EDIL3: variants seen among roughly 807,000 people sequenced by gnomAD.
EDIL3 encodes EGF like and discoidin domains 3.
Under a neutral mutation model 67.4 loss-of-function variants are expected in EDIL3, and 37 were observed. The ratio of observed to expected loss-of-function variants is 0.55; its 90% CI spans 0.42 to 0.72. The LOEUF (loss-of-function observed/expected upper bound fraction) is 0.72. Ranked by LOEUF, EDIL3 falls within the 30% of genes least tolerant of loss-of-function variation. EDIL3 has a pLI of 0.00. For synonymous variants in EDIL3, 195 were observed against 196.3 expected, an observed-to-expected ratio of 0.99 and a Z score of 0.05; for missense variants, 527 against 586.3, an observed-to-expected ratio of 0.90 and a Z score of 1.04.
At chr5:84,382,627 C>T (rs1748107074) in intron 1 of EDIL3, among the ~76,000 whole-genome samples, 1 of 152,072 alleles carries the variant, frequency 6.6e-6, no homozygotes, top group Admixed American at 6.6e-5. Context: ...CCCTTCCCTT[C>T]CTGCTAAGAG....
intron 9 of EDIL3, among the ~76,000 whole-genome samples, chr5:84,025,478 G>A (rs1343148806): frequency 1.1e-4 from 17 of 152,046 alleles, no homozygotes; most frequent in Admixed American, 1.1e-3. Context: ...ATATTATGGT[G>A]AGTTGTATAA....
intron 3 of EDIL3, among the ~76,000 whole-genome samples, chr5:84,206,296 G>A (rs1386726339): frequency 2.6e-5 from 4 of 151,976 alleles, no homozygotes; most frequent in African/African-American, 9.7e-5. Context: ...TATAATTTCT[G>A]TTCTTTTACA....
intron 2 of EDIL3, among the ~76,000 whole-genome samples, chr5:84,239,580 A>G (rs998410144): frequency 6.6e-6 from 1 of 152,160 alleles, no homozygotes; most frequent in African/African-American, 2.4e-5. Flanking sequence ...CTTCAGCTAC[A>G]TCTTATGGAC....
chr5:84,343,575 G>T (rs1470179444), intron 1 of EDIL3, among the ~76,000 whole-genome samples: 1 of 151,998 alleles, frequency 6.6e-6, no homozygotes, highest in Non-Finnish European at 1.5e-5. Context: ...ATTAATGAGT[G>T]ATATAATATC....
chr5:84,334,026 T>C (rs1030044340), intron 1 of EDIL3, among the ~76,000 whole-genome samples: 6 of 151,624 alleles, frequency 4.0e-5, no homozygotes, highest in Admixed American at 1.3e-4. Context: ...TCTTTGTATG[T>C]AAGAACGATG....
At chr5:84,170,373 C>T (rs558865259) in intron 4 of EDIL3, among the ~76,000 whole-genome samples, 5 of 152,318 alleles carry the variant, frequency 3.3e-5, no homozygotes, top group South Asian at 2.1e-4. Flanking sequence ...GCCATTAAAA[C>T]GGCTAGGCTT....
chr5:84,007,938 C>A (rs1363245955), intron 9 of EDIL3, among the ~76,000 whole-genome samples: 3 of 152,108 alleles, frequency 2.0e-5, no homozygotes, highest in African/African-American at 7.2e-5. Context: ...CAATGGAGTA[C>A]CATTCAGCCA....
At chr5:83,982,984 C>A (rs1269848021) in intron 9 of EDIL3, among the ~76,000 whole-genome samples, 1 of 152,172 alleles carries the variant, frequency 6.6e-6, no homozygotes, top group Non-Finnish European at 1.5e-5. Context: ...TGAGTGGCTG[C>A]AACAGCAGCC....
intron 9 of EDIL3, among the ~76,000 whole-genome samples, chr5:84,046,288 C>T (rs2258807): frequency 0.19 from 28,806 of 152,104 alleles, 3,036 homozygotes; most frequent in Admixed American, 0.24. Context: ...CTGGACCCAC[C>T]AGGAGCTCTT....
intron 1 of EDIL3, among the ~76,000 whole-genome samples, chr5:84,278,479 C>T (rs1215008583): frequency 6.6e-6 from 1 of 152,130 alleles, no homozygotes; most frequent in Non-Finnish European, 1.5e-5. Context: ...GCTAAAAACT[C>T]TGATTTCTGA....
intron 1 of EDIL3, among the ~76,000 whole-genome samples, chr5:84,347,972 G>C (rs1747267944): frequency 6.6e-6 from 1 of 152,082 alleles, no homozygotes; most frequent in South Asian, 2.1e-4. Context: ...AGTTTCCCCA[G>C]TAATAGACCA....
chr5:83,999,863 G>T (rs1452388845), intron 9 of EDIL3, among the ~76,000 whole-genome samples: 1 of 151,788 alleles, frequency 6.6e-6, no homozygotes, highest in East Asian at 1.9e-4. Context: ...AAATTCCAAA[G>T]GTCAATGATA....
intron 9 of EDIL3, among the ~76,000 whole-genome samples, chr5:84,034,361 G>C (rs1395875775): frequency 2.0e-5 from 3 of 152,078 alleles, no homozygotes; most frequent in African/African-American, 4.8e-5. Context: ...AGGATATGCT[G>C]TGTGTGATTT....
chr5:84,265,337 A>C (rs2112089490), intron 1 of EDIL3, among the ~76,000 whole-genome samples: 1 of 152,322 alleles, frequency 6.6e-6, no homozygotes, highest in South Asian at 2.1e-4. Context: ...CTCATTGCAT[A>C]ACATTATAAA....
intron 4 of EDIL3, among the ~76,000 whole-genome samples, chr5:84,162,570 T>C (rs1231003860): frequency 6.6e-6 from 1 of 152,050 alleles, no homozygotes; most frequent in African/African-American, 2.4e-5. Context: ...ATTTCATCAC[T>C]GGGAATTCTT....
At chr5:84,041,218 T>G (rs1375269829) in intron 9 of EDIL3, among the ~76,000 whole-genome samples, 1 of 152,010 alleles carries the variant, frequency 6.6e-6, no homozygotes, top group Non-Finnish European at 1.5e-5. Context: ...TCCTTTTTTC[T>G]TGAACATCAC....
intron 1 of EDIL3, among the ~76,000 whole-genome samples, chr5:84,324,438 A>G (rs1330379207): frequency 2.6e-5 from 4 of 151,904 alleles, no homozygotes; most frequent in Non-Finnish European, 4.4e-5. Context: ...GTAAATACAT[A>G]CTTTCAAATG....
chr5:84,278,139 C>A (rs1457125), intron 1 of EDIL3, among the ~76,000 whole-genome samples: 123,703 of 152,154 alleles, frequency 0.81, 50,638 homozygotes, highest in East Asian at 0.95. Context: ...AATGTCTAAG[C>A]AAGATTTTAA....
intron 4 of EDIL3, among the ~76,000 whole-genome samples, chr5:84,177,517 T>C (rs902890509): frequency 6.6e-6 from 1 of 152,126 alleles, no homozygotes; most frequent in Non-Finnish European, 1.5e-5. Context: ...ATACATGATA[T>C]TATACATTTT....
Sources: allele counts gnomAD v4.1 joint callset (sites outside exome capture counted in the v4.1 genomes callset), GRCh38; gene constraint gnomAD v4.1.1; transcripts MANE v1.5; gene names NCBI Gene and HGNC (gene_info 2026-07-23, HGNC 2026-07-21).